Variants in ATP8A2 observed in about 807,000 individuals in gnomAD.
ATP8A2 encodes ATPase phospholipid transporting 8A2.
ATP8A2 carries 100 observed loss-of-function variants against 165.6 expected under a neutral mutation model. The ratio of observed to expected loss-of-function variants is 0.60; its 90% CI spans 0.51 to 0.71. The LOEUF (loss-of-function observed/expected upper bound fraction) is 0.71. Ranked by LOEUF, ATP8A2 falls within the 30% of genes least tolerant of loss-of-function variation. The probability of loss-of-function intolerance (pLI) is 0.00; values close to 1 mark genes in which losing one functional copy is unlikely to be tolerated. For missense variants in ATP8A2, 1,227 were observed against 1,479.5 expected (o/e 0.83, Z 2.80); for synonymous variants, 543 against 548.8 (o/e 0.99, Z 0.15).
chr13:25,937,351 A>ATTCT (rs200131293), intron 33 of ATP8A2, among the ~76,000 whole-genome samples: 3,476 of 76,242 alleles, frequency 0.046, 623 homozygotes, highest in Middle Eastern at 0.11. Flanking sequence ...TTGTCTTTCT[A>ATTCT]TTCTTTCTTT....
In ATP8A2 at chr13:25,442,033, C is replaced by T. The variant is rs58363758; in HGVS notation, c.77-26944C>T. Among the ~76,000 whole-genome samples, 412 of 152,338 alleles carry T rather than the reference C, an allele frequency of 2.7e-3. 3 individuals carry two copies. The highest frequency in any genetic ancestry group is 9.2e-3 in the African/African-American group (384 of 41,564). On this transcript the variant is annotated intron_variant, in intron 1 of 36. Coordinates refer to ENST00000381655, the MANE Select transcript of ATP8A2 (RefSeq NM_016529.6). ...CTTATTTCACTTAGCATGATGTCCT[C>T]CAGCTTCATCCATGTGGAAGCACGT...
chr13:25,600,905 G>A (rs565493755), intron 24 of ATP8A2, among the ~76,000 whole-genome samples: 2 of 152,272 alleles, frequency 1.3e-5, no homozygotes, highest in South Asian at 4.1e-4. Flanking sequence ...CAGGAAGTAG[G>A]CATCAGGAGG....
At chr13:25,934,382 G>A (rs1954833588) in intron 33 of ATP8A2, among the ~76,000 whole-genome samples, 1 of 152,210 alleles carries the variant, frequency 6.6e-6, no homozygotes, top group African/African-American at 2.4e-5. Context: ...GACGAAGTGA[G>A]TACACATAGG....
chr13:25,435,961 G>A (rs7992706), intron 1 of ATP8A2, among the ~76,000 whole-genome samples: 29 of 92,466 alleles, frequency 3.1e-4, no homozygotes, highest in African/African-American at 5.4e-4. Flanking sequence ...GAGTGTGTGT[G>A]TGTGTGTGTG....
chr13:25,989,406 A>G (rs950278265), intron 35 of ATP8A2, among the ~76,000 whole-genome samples: 5 of 152,236 alleles, frequency 3.3e-5, no homozygotes, highest in Non-Finnish European at 7.3e-5. Context: ...CTAAGCTCCA[A>G]TTAGCACATT....
At chr13:25,448,660 A>G (rs1181936603) in intron 1 of ATP8A2, among the ~76,000 whole-genome samples, 1 of 151,782 alleles carries the variant, frequency 6.6e-6, no homozygotes, top group African/African-American at 2.4e-5. Context: ...TATTTTATTT[A>G]TTTTTTTGAG....
In ATP8A2 at chr13:25,372,304, C is replaced by T. The variant is rs1424082034; in HGVS notation, c.76+16C>T. The T allele has an allele frequency of 2.7e-6, 3 of 1,112,134 alleles. No homozygotes were observed. The highest frequency in any genetic ancestry group is 1.5e-5 in the South Asian group (1 of 67,704). The allele number at this position is 1,112,134 out of a possible 1,614,324, so 68.9% of individuals were successfully genotyped here. Reference sequence around the variant, plus strand: ...TCGTCCGTGGGTGAGCTGGGAGGGGCGCGGCGAGGGAGGGTGGGCCCGGGG... The same window carrying T: ...TCGTCCGTGGGTGAGCTGGGAGGGGTGCGGCGAGGGAGGGTGGGCCCGGGG... On this transcript the variant is annotated intron_variant, in intron 1 of 36. Transcript: ENST00000381655. This position sits in a 1 kb window ranked among gnomAD's most constrained non-coding sequence, Gnocchi z 4.8.
At position 25,866,672 on chromosome 13, in the gene ATP8A2, A is replaced by C. The variant is rs1952517558; in HGVS notation, c.3183+4264A>C. Among the ~76,000 whole-genome samples, 3 of 152,238 alleles carry C rather than the reference A, an allele frequency of 2.0e-5. No individual in the cohort carries two copies. The South Asian group carries it at 6.2e-4, about 32-fold the overall frequency. On this transcript the variant is annotated intron_variant, in intron 33 of 36. Transcript: ENST00000381655. ...CACACACACAGACACACATATACACAGACACACATAGTGAATTGCAAACTC... is the reference window on the plus strand; with the variant it reads ...CACACACACAGACACACATATACACCGACACACATAGTGAATTGCAAACTC...
intron 33 of ATP8A2, among the ~76,000 whole-genome samples, chr13:25,954,446 C>T (rs759875091): frequency 6.6e-6 from 1 of 152,192 alleles, no homozygotes; most frequent in African/African-American, 2.4e-5. Context: ...CAGACTTAAA[C>T]GTTCTTGCCT....
At chr13:25,784,414 A>T (rs1024278767) in intron 27 of ATP8A2, among the ~76,000 whole-genome samples, 1 of 152,132 alleles carries the variant, frequency 6.6e-6, no homozygotes, top group East Asian at 1.9e-4. Flanking sequence ...ACGAATTCCA[A>T]TTTGCTTCCC....
intron 24 of ATP8A2, among the ~76,000 whole-genome samples, chr13:25,612,924 A>C (rs908961951): frequency 6.6e-6 from 1 of 152,074 alleles, no homozygotes; most frequent in African/African-American, 2.4e-5. Context: ...ATTGCTTTAA[A>C]GTTTGTTTGG....
chr13:25,468,860 CTCA>C, intron 1 of ATP8A2, 114 bp from the exon 2 acceptor site: 1 of 1,495,696 alleles, frequency 6.7e-7, no homozygotes, highest in Non-Finnish European at 8.9e-7. Flanking sequence ...CGGCGTCCGC[CTCA>C]CCCGAGCATC....
At chr13:25,765,923 G>A (rs1368124375) in intron 25 of ATP8A2, among the ~76,000 whole-genome samples, 2 of 152,186 alleles carry the variant, frequency 1.3e-5, no homozygotes, top group Non-Finnish European at 2.9e-5. Context: ...CCCCTGCAGT[G>A]TGAAGTGGCC....
intron 25 of ATP8A2, among the ~76,000 whole-genome samples, chr13:25,717,795 A>AGCT (rs2043288483): frequency 6.6e-6 from 1 of 152,176 alleles, no homozygotes; most frequent in African/African-American, 2.4e-5. Flanking sequence ...CCCTCAGTAT[A>AGCT]GCTGCTGCTG....
At chr13:25,401,947 C>G (rs1201578991) in intron 1 of ATP8A2, among the ~76,000 whole-genome samples, 1 of 151,990 alleles carries the variant, frequency 6.6e-6, no homozygotes, top group African/African-American at 2.4e-5. Context: ...GCCTTGAACT[C>G]CTGGGCCCAA....
Position 25,563,973 on chromosome 13 carries a change from G to T in ATP8A2, c.1415G>T (p.Cys472Phe). 6.2e-7 allele frequency: 1 copy of T among 1,612,740 alleles called. No homozygotes were observed. The highest frequency in any genetic ancestry group is 8.5e-7 in the Non-Finnish European group (1 of 1,178,740). The change falls in exon 16 of 37, where the codon TGT (cysteine) becomes TTT (phenylalanine). Residue 472 changes from cysteine to phenylalanine, a missense_variant. Around this residue, in one of 5 missense-constraint regions of ATP8A2, gnomAD observed 592 missense variants for 785.6 expected, o/e 0.75. Transcript: ENST00000381655. The stretch of plus-strand genomic sequence containing the variant: ...TCTTACAGTCGGATGCCTCCTCCCT[G>T]TAGTGATTCCTGTGACTTTGATGAC... ...SDDFCRMPPP[C>F]SDSCDFDDPR...
rs114122668 is a variant in ATP8A2, at chr13:26,016,095, A to G, written c.3469+3473A>G. 1.5e-3 allele frequency among the ~76,000 whole-genome samples: 230 copies of G among 152,346 alleles called. 3 individuals carry two copies. The highest frequency in any genetic ancestry group is 5.3e-3 in the African/African-American group (220 of 41,566). On this transcript the variant is annotated intron_variant, in intron 36 of 36. Coordinates refer to ENST00000381655, the MANE Select transcript of ATP8A2 (RefSeq NM_016529.6). The stretch of plus-strand genomic sequence containing the variant: ...AGGAAAATGTTTAATCTGAAATTTT[A>G]TCTGAACATGGGAGGACTCCCTCTC...
At chr13:25,921,003 G>A (rs543068352) in intron 33 of ATP8A2, among the ~76,000 whole-genome samples, 23 of 152,120 alleles carry the variant, frequency 1.5e-4, no homozygotes, top group Non-Finnish European at 2.6e-4. Context: ...CTGGGAGGTC[G>A]AGGCTGCAGT....
chr13:25,763,238 T>C (rs2044420637), intron 25 of ATP8A2, among the ~76,000 whole-genome samples: 1 of 152,152 alleles, frequency 6.6e-6, no homozygotes, highest in Admixed American at 6.5e-5. Context: ...CTGTCAGCAC[T>C]CACCTTGCTT....
Sources: gnomAD v4.1 joint callset for allele counts (sites outside exome capture counted in the v4.1 genomes callset) on GRCh38, gnomAD v4.1.1 for gene constraint, gnomAD v4.1.1 regional missense constraint, Gnocchi (gnomAD v3.1) non-coding constraint, MANE v1.5 for transcripts, NCBI Gene and HGNC (gene_info 2026-07-23, HGNC 2026-07-21) for gene names.